The following DNAH6 variants were observed in gnomAD, a reference collection of about 807,000 sequenced individuals.
DNAH6 encodes dynein axonemal heavy chain 6, also known as axonemal beta dynein heavy chain 6.
Under a neutral mutation model 491.4 loss-of-function variants are expected in DNAH6, and 340 were observed. The observed-to-expected ratio is 0.69, with a 90% CI of 0.63 to 0.76. DNAH6 has a LOEUF of 0.76. Ranked by LOEUF, DNAH6 falls within the 30% of genes least tolerant of loss-of-function variation. The probability of loss-of-function intolerance (pLI) is 0.00; values close to 1 mark genes in which losing one functional copy is unlikely to be tolerated. For synonymous variants in DNAH6, 1,603 were observed against 1,686.1 expected (o/e 0.95, Z 1.21); for missense variants, 4,443 against 4,972.2 (o/e 0.89, Z 3.20).
chr2:84,703,022 A>C (rs1009337828), intron 49 of DNAH6, among the ~76,000 whole-genome samples: 2 of 152,194 alleles, frequency 1.3e-5, no homozygotes, highest in Admixed American at 1.3e-4. Context: ...TGGCCAGAGC[A>C]AACAAGCTCC....
At chr2:84,781,411 G>T (rs916490944) in intron 64 of DNAH6, 82 bp from the exon 65 acceptor site, 1 of 1,165,878 alleles carries the variant, frequency 8.6e-7, no homozygotes, top group African/African-American at 1.6e-5. Flanking sequence ...CTAAGCAAGA[G>T]TCTACTGTAT....
the DNAH6 span, among the ~76,000 whole-genome samples, chr2:84,482,016 C>CT: frequency 6.6e-6 from 1 of 152,204 alleles, no homozygotes; most frequent in East Asian, 1.9e-4. Flanking sequence ...TGGGTCCACC[C>CT]TGCAGCCGTT....
chr2:84,690,707 C>G lies in DNAH6; in HGVS notation c.7292+2114C>G, dbSNP rs116187991. ...CATGTAAATAATGATGTAGACTGTTCTCTTTTATTCAAGAGAGGATCAGTA... is the reference window on the plus strand; with the variant it reads ...CATGTAAATAATGATGTAGACTGTTGTCTTTTATTCAAGAGAGGATCAGTA... On this transcript the variant is annotated intron_variant, in intron 45 of 76. Coordinates refer to ENST00000389394, the MANE Select transcript of DNAH6 (RefSeq NM_001370.2). 3.8e-3 allele frequency among the ~76,000 whole-genome samples: 585 copies of G among 152,276 alleles called. 4 individuals are homozygous for G. The highest frequency in any genetic ancestry group is 0.014 in the African/African-American group (568 of 41,550).
the DNAH6 span, among the ~76,000 whole-genome samples, chr2:84,511,026 C>G: frequency 6.6e-6 from 1 of 152,174 alleles, no homozygotes; most frequent in Non-Finnish European, 1.5e-5. Flanking sequence ...GGGTCAGGGA[C>G]CCACTTGAGG....
At chr2:84,641,486 G>C (rs551060857) in intron 32 of DNAH6, among the ~76,000 whole-genome samples, 1 of 152,310 alleles carries the variant, frequency 6.6e-6, no homozygotes, top group East Asian at 1.9e-4. Context: ...TAGCTGCAAT[G>C]CAGGGAGGGC....
chr2:84,514,145 T>G (rs1361743693), upstream of DNAH6, among the ~76,000 whole-genome samples: 1 of 152,214 alleles, frequency 6.6e-6, no homozygotes, highest in African/African-American at 2.4e-5. Flanking sequence ...TATTTATTGC[T>G]CTGGTTTCAT....
rs1162999839 is a variant in DNAH6 at position 84,819,450 on chromosome 2, T to G, written c.*42T>G. Reference sequence around the variant, plus strand: ...CCCTGAAAAAGAACCAGGCCAGAGATCTTTCCTAATGGGAGCAAAAGGTTT... The same window carrying G: ...CCCTGAAAAAGAACCAGGCCAGAGAGCTTTCCTAATGGGAGCAAAAGGTTT... On this transcript the variant is annotated 3_prime_UTR_variant, in exon 77 of 77. Transcript: ENST00000389394. 1 of 1,304,122 alleles carries G rather than the reference T, an allele frequency of 7.7e-7. No individual in the cohort carries two copies. Among genetic ancestry groups the G allele is most frequent in the South Asian group, 1.3e-5 (1 of 75,844 alleles). The allele number at this position is 1,304,122 out of a possible 1,614,324, so 80.8% of individuals were successfully genotyped here. A position where few individuals can be genotyped will look rare whatever the true frequency, so the allele number is the denominator to read the frequency against.
intron 45 of DNAH6, among the ~76,000 whole-genome samples, chr2:84,692,522 A>C (rs1467087219): frequency 6.6e-6 from 1 of 152,172 alleles, no homozygotes; most frequent in Non-Finnish European, 1.5e-5. Flanking sequence ...AGGAAAAATA[A>C]TTAAACCTGC....
intron 71 of DNAH6, 50 bp downstream of exon 71, chr2:84,805,844 A>G: frequency 6.7e-7 from 1 of 1,501,322 alleles, no homozygotes; most frequent in South Asian, 1.3e-5. Flanking sequence ...TTAGGAATAA[A>G]CTCAGAGAAC....
At chr2:84,756,163 T>C (rs147556947) in intron 63 of DNAH6, among the ~76,000 whole-genome samples, 83 of 152,332 alleles carry the variant, frequency 5.4e-4, no homozygotes, top group Middle Eastern at 3.4e-3. Context: ...TTGAGGAAGT[T>C]CTCTTCTATA....
intron 70 of DNAH6, among the ~76,000 whole-genome samples, chr2:84,801,950 C>G (rs1313203800): frequency 1.3e-5 from 2 of 151,484 alleles, no homozygotes; most frequent in Non-Finnish European, 2.9e-5. Context: ...CTTTCATATC[C>G]TGCCAAACTA....
At chr2:84,493,622 C>G in the DNAH6 span, among the ~76,000 whole-genome samples, 5 of 152,214 alleles carry the variant, frequency 3.3e-5, no homozygotes, top group East Asian at 9.7e-4. Flanking sequence ...AAGCAAAAAT[C>G]GTTGGCTGAG....
chr2:84,564,773 C>G (rs1160189299), intron 11 of DNAH6, among the ~76,000 whole-genome samples: 2 of 152,090 alleles, frequency 1.3e-5, no homozygotes, highest in Admixed American at 6.5e-5. Flanking sequence ...TTCTAGGTCT[C>G]AAGGGGAATG....
At chr2:84,525,318 T>G (rs543679433) in intron 2 of DNAH6, among the ~76,000 whole-genome samples, 1 of 152,212 alleles carries the variant, frequency 6.6e-6, no homozygotes, top group African/African-American at 2.4e-5. Context: ...TGTTGTAATT[T>G]ATTCTTCTAA....
chr2:84,534,958 A>G (rs1433567102), intron 4 of DNAH6, among the ~76,000 whole-genome samples: 1 of 151,990 alleles, frequency 6.6e-6, no homozygotes, highest in Non-Finnish European at 1.5e-5. Flanking sequence ...TAGAAAACAT[A>G]TTCTAATAAA....
At chr2:84,511,664 T>A (rs1675336058), upstream of DNAH6, among the ~76,000 whole-genome samples, 1 of 152,214 alleles carries the variant, frequency 6.6e-6, no homozygotes, top group Non-Finnish European at 1.5e-5. Context: ...TCTGTATCGC[T>A]CACGCTGGGA....
intron 16 of DNAH6, among the ~76,000 whole-genome samples, chr2:84,591,898 T>C (rs1356051721): frequency 1.2e-4 from 18 of 152,162 alleles, no homozygotes; most frequent in African/African-American, 3.9e-4. Flanking sequence ...TGGATATTCA[T>C]ATGCAAAAGA....
At chr2:84,809,188 C>A (rs551150121) in intron 72 of DNAH6, among the ~76,000 whole-genome samples, 55 of 152,334 alleles carry the variant, frequency 3.6e-4, no homozygotes, top group African/African-American at 1.3e-3. Context: ...CCTAGTTTCT[C>A]TGTGCATAAC....
At position 84,594,082 on chromosome 2, in the gene DNAH6, A is replaced by C; in HGVS notation, c.2721A>C (p.Leu907Phe). ...GGGATAAACTCCAACAAGAATGGTT[A>C]AAGGTAGGGGAAAAAAGCCTTCAGT... ...SEWDKLQQEW[L>F]KSKFDCLDPE... Residue 907 changes from leucine to phenylalanine, a missense_variant, in exon 17 of 77, where the codon TTA becomes TTC. By Grantham distance (22) the Leu-to-Phe change is conservative (BLOSUM62 0). Coordinates refer to ENST00000389394, the MANE Select transcript of DNAH6 (RefSeq NM_001370.2). 2.0e-6 allele frequency: 3 copies of C among 1,520,054 alleles called. No individual in the cohort carries two copies. The highest frequency in any genetic ancestry group is 2.7e-6 in the Non-Finnish European group (3 of 1,122,944). The allele number at this position is 1,520,054 out of a possible 1,614,324, so 94.2% of individuals were successfully genotyped here. A position where few individuals can be genotyped will look rare whatever the true frequency, so the allele number is the denominator to read the frequency against.
Sources: allele counts gnomAD v4.1 joint callset (sites outside exome capture counted in the v4.1 genomes callset), GRCh38; gene constraint gnomAD v4.1.1; transcripts MANE v1.5; gene names NCBI Gene and HGNC (gene_info 2026-07-23, HGNC 2026-07-21).